Variants in CLEC4D observed in about 807,000 individuals in gnomAD.
CLEC4D encodes C-type (calcium dependent, carbohydrate-recognition domain) lectin, superfamily member 8.
A neutral mutation model predicts 21.1 loss-of-function variants in CLEC4D; 21 were observed. The ratio of observed to expected loss-of-function variants is 1.00; its 90% CI spans 0.71 to 1.43. The LOEUF is 1.43. Ranked by LOEUF, CLEC4D falls within the 40% of genes most tolerant of loss-of-function variation. CLEC4D has a pLI of 0.00. For missense variants in CLEC4D, 289 were observed against 260.7 expected (o/e 1.11, Z -0.75); for synonymous variants, 85 against 83.1 (o/e 1.02, Z -0.12).
chr12:8,528,718 C>T, the CLEC4D span, among the ~76,000 whole-genome samples: 9 of 152,020 alleles, frequency 5.9e-5, no homozygotes, highest in African/African-American at 9.7e-5. Context: ...CATTAGTAAA[C>T]GTAGAAGATA....
At chr12:8,531,077 C>CA in the CLEC4D span, among the ~76,000 whole-genome samples, 1 of 152,268 alleles carries the variant, frequency 6.6e-6, no homozygotes, top group Non-Finnish European at 1.5e-5. Context: ...CAACCACCCC[C>CA]ACGTATGGGC....
chr12:8,520,221 T>C lies in CLEC4D; in HGVS notation c.385-5T>C. On this transcript the variant is annotated splice_polypyrimidine_tract_variant and splice_region_variant and intron_variant, in intron 4 of 5. Transcript: ENST00000299665. ...AACTATATTAAAATTTACATTTTTATGCAGAACTTTATTATTCAGTTTCTG... is the reference window on the plus strand; with the variant it reads ...AACTATATTAAAATTTACATTTTTACGCAGAACTTTATTATTCAGTTTCTG... The C allele has an allele frequency of 6.2e-7, 1 of 1,613,524 alleles. No individual in the cohort carries two copies.
At chr12:8,529,144 G>A in the CLEC4D span, among the ~76,000 whole-genome samples, 3 of 152,094 alleles carry the variant, frequency 2.0e-5, no homozygotes, top group Non-Finnish European at 4.4e-5. Flanking sequence ...TGGCTGTGAA[G>A]CAAATCACCA....
chr12:8,523,105 T>C (rs1366024050), downstream of CLEC4D, among the ~76,000 whole-genome samples: 6 of 152,212 alleles, frequency 3.9e-5, no homozygotes, highest in South Asian at 1.2e-3. Context: ...TGTAGCCTTA[T>C]AGTATAGTTT....
the CLEC4D span, among the ~76,000 whole-genome samples, chr12:8,527,674 C>T: frequency 6.6e-6 from 1 of 152,240 alleles, no homozygotes; most frequent in Non-Finnish European, 1.5e-5. Context: ...AGAGCGCAAA[C>T]GGCTTAGACA....
downstream of CLEC4D, among the ~76,000 whole-genome samples, chr12:8,524,968 T>C (rs1365483740): frequency 6.6e-6 from 1 of 152,222 alleles, no homozygotes; most frequent in Non-Finnish European, 1.5e-5. Context: ...TCAGCTGCCA[T>C]TCAGGAGCAG....
At chr12:8,525,369 G>A (rs967877426), downstream of CLEC4D, among the ~76,000 whole-genome samples, 3 of 152,180 alleles carry the variant, frequency 2.0e-5, no homozygotes, top group African/African-American at 7.2e-5. Context: ...CTTGCTTTAT[G>A]AATCTGGGTG....
chr12:8,520,456 G>A, intron 5 of CLEC4D, 115 bp downstream of exon 5: 1 of 1,419,008 alleles, frequency 7.0e-7, no homozygotes, highest in Non-Finnish European at 9.3e-7. Context: ...AGAGACCACT[G>A]TAGGTTGAGT....
chr12:8,513,669 T>TG lies in CLEC4D; in HGVS notation c.-59dup. The TG allele has an allele frequency of 1.2e-6, 1 of 834,380 alleles. No homozygotes were observed. Among genetic ancestry groups the TG allele is most frequent in the East Asian group, 2.4e-5 (1 of 41,358 alleles). 51.7% of individuals were successfully genotyped at this position (834,380 alleles called of 1,614,324 possible). A position where few individuals can be genotyped will look rare whatever the true frequency, so the allele number is the denominator to read the frequency against. Reference sequence around the variant, plus strand: ...TTCCCCTATCCACAGAAATATACTCTGGGGGAAAAAAAATAGAACAAATTC... The same window carrying TG: ...TTCCCCTATCCACAGAAATATACTCTGGGGGGAAAAAAAATAGAACAAATTC... On this transcript the variant is annotated 5_prime_UTR_variant, in exon 1 of 6. The change abolishes the stop of an existing upstream ORF in the 5' untranslated region. Coordinates refer to ENST00000299665, the MANE Select transcript of CLEC4D (RefSeq NM_080387.5).
downstream of CLEC4D, among the ~76,000 whole-genome samples, chr12:8,524,665 T>C (rs1287246256): frequency 6.6e-6 from 1 of 152,156 alleles, no homozygotes; most frequent in African/African-American, 2.4e-5. Flanking sequence ...GATTCACTGA[T>C]TTTTTGGAGG....
chr12:8,531,479 C>G, the CLEC4D span, among the ~76,000 whole-genome samples: 1 of 152,052 alleles, frequency 6.6e-6, no homozygotes. Context: ...GGAAATAACT[C>G]TTTTTCATAA....
At position 8,514,369 on chromosome 12, in the gene CLEC4D, T is replaced by C. The variant is rs1208448562; in HGVS notation, c.28+609T>C. On this transcript the variant is annotated intron_variant, in intron 1 of 5. Coordinates refer to ENST00000299665, the MANE Select transcript of CLEC4D (RefSeq NM_080387.5). The stretch of plus-strand genomic sequence containing the variant: ...GCTTATTTAATTACTATACAGAATA[T>C]CATTGTGTGAAGGGACCATAATTTA... Among the ~76,000 whole-genome samples the C allele has an allele frequency of 2.0e-5, 3 of 152,256 alleles. No individual in the cohort carries two copies. The East Asian group carries it at 5.8e-4, about 29-fold the overall frequency.
At chr12:8,531,111 T>C in the CLEC4D span, among the ~76,000 whole-genome samples, 221 of 152,244 alleles carry the variant, frequency 1.5e-3, no homozygotes, top group African/African-American at 5.1e-3. Flanking sequence ...TAGCTCAGGC[T>C]TTGAGACTTT....
downstream of CLEC4D, among the ~76,000 whole-genome samples, chr12:8,523,452 T>G (rs1382897592): frequency 6.6e-6 from 1 of 152,174 alleles, no homozygotes; most frequent in African/African-American, 2.4e-5. Context: ...CTATTCTCAT[T>G]GTAGCAATGG....
At chr12:8,517,698 G>A (rs1940399076) in intron 2 of CLEC4D, among the ~76,000 whole-genome samples, 1 of 152,152 alleles carries the variant, frequency 6.6e-6, no homozygotes, top group Non-Finnish European at 1.5e-5. Context: ...TGTAATCCCA[G>A]CACTTTGGGA....
At chr12:8,530,459 C>CAAAAAAAAAAAA in the CLEC4D span, among the ~76,000 whole-genome samples, 2 of 87,364 alleles carry the variant, frequency 2.3e-5, no homozygotes, top group Admixed American at 1.3e-4. Flanking sequence ...ATCAAGAAAG[C>CAAAAAAAAAAAA]AAAAAAAAAA....
intron 5 of CLEC4D, 22 bp from the exon 6 acceptor site, chr12:8,521,101 TA>T (rs755941143): frequency 1.2e-6 from 2 of 1,608,448 alleles, no homozygotes; most frequent in Admixed American, 3.4e-5. Flanking sequence ...TATAAATCTC[TA>T]TCTATGTTGT....
downstream of CLEC4D, among the ~76,000 whole-genome samples, chr12:8,523,708 G>T (rs758654967): frequency 2.6e-5 from 4 of 152,052 alleles, no homozygotes; most frequent in Admixed American, 6.6e-5. Context: ...TTGACTGATT[G>T]CCCTGGCCAG....
intron 2 of CLEC4D, among the ~76,000 whole-genome samples, chr12:8,517,739 G>A (rs757963267): frequency 6.6e-6 from 1 of 152,128 alleles, no homozygotes; most frequent in South Asian, 2.1e-4. Flanking sequence ...GAGGTCAGGA[G>A]ATCAAGACCA....
Sources: allele counts gnomAD v4.1 joint callset (sites outside exome capture counted in the v4.1 genomes callset), GRCh38; gene constraint gnomAD v4.1.1; transcripts MANE v1.5; gene names NCBI Gene and HGNC (gene_info 2026-07-23, HGNC 2026-07-21).